The following ZBTB41 variants were observed in gnomAD, a reference collection of about 807,000 sequenced individuals.
The protein encoded by ZBTB41 is zinc finger and BTB domain containing 41.
ZBTB41 carries 42 observed loss-of-function variants against 87.6 expected under a neutral mutation model. The ratio of observed to expected loss-of-function variants is 0.48; its 90% CI spans 0.37 to 0.62. The LOEUF (loss-of-function observed/expected upper bound fraction) is 0.62. Ranked by LOEUF, ZBTB41 falls within the 20% of genes least tolerant of loss-of-function variation. The probability of loss-of-function intolerance (pLI) is 0.00; values close to 1 mark genes in which losing one functional copy is unlikely to be tolerated. For synonymous variants in ZBTB41, 364 were observed against 364.0 expected, an observed-to-expected ratio of 1.00 and a Z score of 0.00; for missense variants, 799 against 1,078.9, an observed-to-expected ratio of 0.74 and a Z score of 3.63.
At position 197,155,417 on chromosome 1, in the gene ZBTB41, TCAACTCTAAG is replaced by T. The variant is rs1328798985; in HGVS notation, c.*3932_*3941del. 1.3e-5 allele frequency: 2 copies of T among 151,558 alleles called. No individual in the cohort carries two copies. Among genetic ancestry groups the T allele is most frequent in the African/African-American group, 4.9e-5 (2 of 41,182 alleles). 9.4% of individuals were successfully genotyped at this position (151,558 alleles called of 1,614,324 possible). ...AATCAGTACAATCTAGCCAGCAGAATCAACTCTAAGCAACTACAACACATCGAAAAGGCAC... is the reference window on the plus strand; with the variant it reads ...AATCAGTACAATCTAGCCAGCAGAATCAACTACAACACATCGAAAAGGCAC... On this transcript the variant is annotated 3_prime_UTR_variant, in exon 11 of 11. Transcript: ENST00000367405.
At chr1:197,189,574 C>T (rs558198487) in intron 4 of ZBTB41, among the ~76,000 whole-genome samples, 16 of 151,830 alleles carry the variant, frequency 1.1e-4, no homozygotes, top group African/African-American at 3.6e-4. Context: ...ATTAGAGGTA[C>T]TGTAGAATAA....
chr1:197,187,085 TGACA>T (rs1241214374), intron 5 of ZBTB41, among the ~76,000 whole-genome samples: 1 of 152,084 alleles, frequency 6.6e-6, no homozygotes, highest in Admixed American at 6.5e-5. Flanking sequence ...GAACATGAAG[TGACA>T]GACATTCTCA....
Position 197,157,103 on chromosome 1 carries a change from A to G in ZBTB41, c.*2256T>C, listed in dbSNP as rs1659083558. On this transcript the variant is annotated 3_prime_UTR_variant, in exon 11 of 11. Transcript: ENST00000367405. Reference sequence around the variant, plus strand: ...AATAGTAACTAAATACAATTATATTATTATATTTCACTTTACTAAGAGATG... The same window carrying G: ...AATAGTAACTAAATACAATTATATTGTTATATTTCACTTTACTAAGAGATG... 6.6e-6 allele frequency: 1 copy of G among 152,220 alleles called. No homozygotes were observed. Among genetic ancestry groups the G allele is most frequent in the Admixed American group, 6.6e-5 (1 of 15,220 alleles). 9.4% of individuals were successfully genotyped at this position (152,220 alleles called of 1,614,324 possible). A position where few individuals can be genotyped will look rare whatever the true frequency, so the allele number is the denominator to read the frequency against.
At position 197,156,855 on chromosome 1, in the gene ZBTB41, G is replaced by T. The variant is rs183655074; in HGVS notation, c.*2504C>A. On this transcript the variant is annotated 3_prime_UTR_variant, in exon 11 of 11. Transcript: ENST00000367405. The stretch of plus-strand genomic sequence containing the variant: ...GGATGTAGTACCTGGCACATAGTAA[G>T]CATTCATTAATGCTAGCTTTCTTCT... 10 of 152,310 alleles carry T rather than the reference G, an allele frequency of 6.6e-5. No homozygotes were observed. The highest frequency in any genetic ancestry group is 4.2e-4 in the South Asian group (2 of 4,814). The allele number at this position is 152,310 out of a possible 1,614,324, so 9.4% of individuals were successfully genotyped here. A position where few individuals can be genotyped will look rare whatever the true frequency, so the allele number is the denominator to read the frequency against.
intron 4 of ZBTB41, 61 bp from the exon 5 acceptor site, chr1:197,188,500 T>G (rs1659939260): frequency 7.0e-7 from 1 of 1,421,292 alleles, no homozygotes; most frequent in Admixed American, 2.6e-5. Flanking sequence ...AATATTAAGC[T>G]TGTAATGAGA....
Position 197,159,392 on chromosome 1 carries a change from A to G in ZBTB41, c.2697T>C (p.Val899=), listed in dbSNP as rs1659144986. The G allele has an allele frequency of 6.2e-7, 1 of 1,613,798 alleles. No homozygotes were observed. The highest frequency in any genetic ancestry group is 8.5e-7 in the Non-Finnish European group (1 of 1,179,740). The change falls in exon 11 of 11, where the codon GTT becomes GTC. Residue 899 remains valine, a synonymous_variant. Transcript: ENST00000367405. ...GATGCTCATTCGTAGAAATATTTTG[A>G]ACACCAGTAGTGCTATCAAGGCCCA... ...TLLGLDSTTG[V]QNISTNEHHS is the part of the protein sequence containing the mutation.
rs116833281 is a variant in ZBTB41 at position 197,182,684 on chromosome 1, C to T, written c.1547-1567G>A. On this transcript the variant is annotated intron_variant, in intron 5 of 10. Coordinates refer to ENST00000367405, the MANE Select transcript of ZBTB41 (RefSeq NM_194314.3). The stretch of plus-strand genomic sequence containing the variant: ...GATTGCATTAAATACATATCTTTCC[C>T]TCTGATTTAACAGAATATATATTCC... Among the ~76,000 whole-genome samples, 246 of 152,216 alleles carry T rather than the reference C, an allele frequency of 1.6e-3. 2 individuals carry two copies. The highest frequency in any genetic ancestry group is 5.7e-3 in the African/African-American group (235 of 41,530).
chr1:197,198,633 A>G (rs1391417926), intron 2 of ZBTB41, among the ~76,000 whole-genome samples: 1 of 152,202 alleles, frequency 6.6e-6, no homozygotes, highest in Non-Finnish European at 1.5e-5. Flanking sequence ...CCTAGCAAAT[A>G]TTAGACAACT....
intron 4 of ZBTB41, 100 bp from the exon 5 acceptor site, chr1:197,188,539 C>A: frequency 8.7e-7 from 1 of 1,148,674 alleles, no homozygotes; most frequent in East Asian, 2.7e-5. Context: ...AATAAAGAGA[C>A]TTTTCTCCCA....
chr1:197,175,126 A>T lies in ZBTB41; in HGVS notation c.1880-11T>A. 1 of 1,603,966 alleles carries T rather than the reference A, an allele frequency of 6.2e-7. No homozygotes were observed. Among genetic ancestry groups the T allele is most frequent in the Non-Finnish European group, 8.5e-7 (1 of 1,173,690 alleles). ...GATGAGCTTTTTCACCTTAAAATAA[A>T]GACCCAAATATTTTCATTATAATAT... On this transcript the variant is annotated splice_polypyrimidine_tract_variant and intron_variant, in intron 8 of 10. Transcript: ENST00000367405.
In ZBTB41 at chr1:197,168,108, C is replaced by A. The variant is rs141915803; in HGVS notation, c.2074+4052G>T. On this transcript the variant is annotated intron_variant, in intron 10 of 10. Transcript: ENST00000367405. ...TCAATAAACAAACTCAATTCTATTC[C>A]TGTATACCAGAAACAAATAAAAAAT... Among the ~76,000 whole-genome samples, 1,331 of 152,010 alleles carry A rather than the reference C, an allele frequency of 8.8e-3. 16 individuals are homozygous for A. The highest frequency in any genetic ancestry group is 0.028 in the African/African-American group (1,176 of 41,468).
rs1316153133 is a variant in ZBTB41 at position 197,175,072 on chromosome 1, A to G, written c.1923T>C (p.Gly641=). The change falls in exon 9 of 11, where the codon GGT becomes GGC. Residue 641 remains glycine (G), a synonymous_variant. Coordinates refer to ENST00000367405, the MANE Select transcript of ZBTB41 (RefSeq NM_194314.3). ...AATGAACAGTGAGATGATCCCTACG[A>G]CCAAAACATTTTCCACATTCTTCAC... The part of the protein sequence containing the change: ...HQCEECGKCF[G]RRDHLTVHYK... 1 of 1,611,418 alleles carries G rather than the reference A, an allele frequency of 6.2e-7. No individual in the cohort carries two copies. Among genetic ancestry groups the G allele is most frequent in the East Asian group, 2.2e-5 (1 of 44,728 alleles).
At position 197,199,517 on chromosome 1, in the gene ZBTB41, G is replaced by A. The variant is rs774334309; in HGVS notation, c.957C>T (p.Asp319=). The part of the protein sequence containing the change: ...LEEEMSDEYS[D]IEEQSEKDHN... Reference sequence around the variant, plus strand: ...GATCCTTTTCACTTTGTTCTTCAATGTCAGAGTACTCATCTGACATCTCCT... The same window carrying A: ...GATCCTTTTCACTTTGTTCTTCAATATCAGAGTACTCATCTGACATCTCCT... Residue 319 remains aspartate, a synonymous_variant, in exon 2 of 11, where the codon GAC becomes GAT. Transcript: ENST00000367405. 3 of 1,611,618 alleles carry A rather than the reference G, an allele frequency of 1.9e-6. No individual in the cohort carries two copies. The highest frequency in any genetic ancestry group is 1.7e-4 in the Middle Eastern group (1 of 6,040).
Position 197,200,379 on chromosome 1 carries a change from T to G in ZBTB41, c.95A>C (p.Asp32Ala). Reference protein sequence around the residue: ...SSEGNVAVECDQVTYTHSAGR... With the variant: ...SSEGNVAVECAQVTYTHSAGR... ...TGCAGAATGAGTATAGGTCACTTGG[T>G]CACACTCCACTGCAACATTTCCTTC... Residue 32 changes from aspartate (D) to alanine (A), a missense_variant, in exon 2 of 11, where the codon GAC becomes GCC. By Grantham distance (126) the Asp-to-Ala change is moderately radical. Around this residue, in one of 5 missense-constraint regions of ZBTB41, gnomAD observed 77 missense variants for 68.4 expected, o/e 1.13. Coordinates refer to ENST00000367405, the MANE Select transcript of ZBTB41 (RefSeq NM_194314.3). 6.2e-7 allele frequency: 1 copy of G among 1,614,104 alleles called. No homozygotes were observed. Among genetic ancestry groups the G allele is most frequent in the Non-Finnish European group, 8.5e-7 (1 of 1,180,008 alleles).
chr1:197,160,467 G>A (rs114713999), intron 10 of ZBTB41, among the ~76,000 whole-genome samples: 2,585 of 152,140 alleles, frequency 0.017, 23 homozygotes, highest in Middle Eastern at 0.02. Context: ...TCTCCCCCAC[G>A]CAAGGAGGAT....
chr1:197,161,631 T>A (rs1659202129), intron 10 of ZBTB41, among the ~76,000 whole-genome samples: 3 of 151,970 alleles, frequency 2.0e-5, no homozygotes, highest in African/African-American at 7.2e-5. Flanking sequence ...ATATAGATAA[T>A]TAACTTTTCA....
At chr1:197,188,462 T>C in intron 4 of ZBTB41, 23 bp from the exon 5 acceptor site, 2 of 1,564,364 alleles carry the variant, frequency 1.3e-6, no homozygotes, top group Non-Finnish European at 1.7e-6. Flanking sequence ...GCAAACAAAA[T>C]GTTAAGAGAA....
At chr1:197,182,127 GA>G (rs1207854881) in intron 5 of ZBTB41, among the ~76,000 whole-genome samples, 6 of 150,488 alleles carry the variant, frequency 4.0e-5, no homozygotes, top group African/African-American at 1.2e-4. Flanking sequence ...TTACATAGCT[GA>G]AAAAAAAAGG....
intron 10 of ZBTB41, among the ~76,000 whole-genome samples, chr1:197,167,949 A>T (rs1571649161): frequency 6.6e-6 from 1 of 152,250 alleles, no homozygotes; most frequent in East Asian, 1.9e-4. Flanking sequence ...AGTGTGTGTT[A>T]TAAAGACTAA....
Sources: allele counts gnomAD v4.1 joint callset (sites outside exome capture counted in the v4.1 genomes callset), GRCh38; gene constraint gnomAD v4.1.1; regional missense constraint gnomAD v4.1.1; transcripts MANE v1.5; gene names NCBI Gene and HGNC (gene_info 2026-07-23, HGNC 2026-07-21).